ZBTB20: variants seen among roughly 807,000 people sequenced by gnomAD.
ZBTB20 encodes zinc finger and BTB domain containing 20.
ZBTB20 carries 9 observed loss-of-function variants against 56.9 expected under a neutral mutation model. That is an observed-to-expected ratio of 0.16 (90% CI 0.10 to 0.28). The LOEUF (loss-of-function observed/expected upper bound fraction) is 0.28, where lower values mean the gene tolerates loss of function less well. ZBTB20 is among the 10% of genes least tolerant of loss of function. ZBTB20 has a pLI of 1.00. For missense variants in ZBTB20, 655 were observed against 1,003.0 expected, an observed-to-expected ratio of 0.65 and a Z score of 4.69; for synonymous variants, 417 against 420.7, an observed-to-expected ratio of 0.99 and a Z score of 0.11.
intron 10 of ZBTB20, among the ~76,000 whole-genome samples, chr3:114,359,859 C>T (rs2081625381): frequency 6.6e-6 from 1 of 152,096 alleles, no homozygotes; most frequent in South Asian, 2.1e-4. Flanking sequence ...ATATGAAAAC[C>T]AGCATCTTCT....
At chr3:114,678,630 AAGAG>A (rs1161276637) in intron 6 of ZBTB20, among the ~76,000 whole-genome samples, 1 of 152,200 alleles carries the variant, frequency 6.6e-6, no homozygotes, top group Non-Finnish European at 1.5e-5. Context: ...TAATTTCAAA[AAGAG>A]AGACTTTCAA....
intron 6 of ZBTB20, among the ~76,000 whole-genome samples, chr3:114,633,776 T>C (rs964500948): frequency 1.3e-5 from 2 of 152,174 alleles, no homozygotes; most frequent in Non-Finnish European, 2.9e-5. Flanking sequence ...AAATGCACAA[T>C]ATTATTAAAA....
Position 114,463,004 on chromosome 3 carries a change from G to C in ZBTB20, c.-255+37348C>G, listed in dbSNP as rs918819312. 2.0e-5 allele frequency among the ~76,000 whole-genome samples: 3 copies of C among 152,172 alleles called. No homozygotes were observed. The East Asian group carries it at 5.8e-4, about 29-fold the overall frequency. Reference sequence around the variant, plus strand: ...AGGACAGTTGTGTAGCAAAGATTCTGTTTGGGTTGCTGTTTCCTCTGAGCC... The same window carrying C: ...AGGACAGTTGTGTAGCAAAGATTCTCTTTGGGTTGCTGTTTCCTCTGAGCC... On this transcript the variant is annotated intron_variant, in intron 7 of 11. Coordinates refer to ENST00000675478, the MANE Select transcript of ZBTB20 (RefSeq NM_001348800.3).
At chr3:114,426,978 A>G (rs1026831116) in intron 7 of ZBTB20, among the ~76,000 whole-genome samples, 1 of 152,228 alleles carries the variant, frequency 6.6e-6, no homozygotes, top group African/African-American at 2.4e-5. Context: ...TTACTTTAAT[A>G]TATATAAAGC....
chr3:114,622,180 T>C (rs1413955570), intron 6 of ZBTB20, among the ~76,000 whole-genome samples: 2 of 152,128 alleles, frequency 1.3e-5, no homozygotes, highest in Non-Finnish European at 2.9e-5. Context: ...ACAGTTTTCC[T>C]GGGAGTCTGG....
chr3:114,529,848 T>C (rs1267556570), intron 6 of ZBTB20, among the ~76,000 whole-genome samples: 1 of 152,248 alleles, frequency 6.6e-6, no homozygotes, highest in Admixed American at 6.5e-5. Context: ...AAATGCTGTA[T>C]GGCTTGCCTT....
intron 6 of ZBTB20, among the ~76,000 whole-genome samples, chr3:114,600,932 T>A (rs2056711446): frequency 6.6e-6 from 1 of 151,910 alleles, no homozygotes. Context: ...CTTGAGGTAC[T>A]GGGACTTACT....
At chr3:114,692,785 A>C (rs1242452068) in intron 6 of ZBTB20, among the ~76,000 whole-genome samples, 1 of 152,150 alleles carries the variant, frequency 6.6e-6, no homozygotes, top group East Asian at 1.9e-4. Context: ...GAAGGCCACA[A>C]TACCAATCTT....
At chr3:114,455,058 G>C (rs71321412) in intron 7 of ZBTB20, among the ~76,000 whole-genome samples, 3 of 142,672 alleles carry the variant, frequency 2.1e-5, no homozygotes, top group Non-Finnish European at 4.6e-5. Context: ...GAGAGAGGGG[G>C]GGGAGAGAGA....
chr3:115,060,320 A>G (rs900553847), intron 2 of ZBTB20, among the ~76,000 whole-genome samples: 5 of 152,218 alleles, frequency 3.3e-5, no homozygotes, highest in Non-Finnish European at 5.9e-5. Flanking sequence ...GAAGAATAAA[A>G]GAAACAATAT....
At chr3:114,402,803 C>T (rs577826582) in intron 7 of ZBTB20, among the ~76,000 whole-genome samples, 5 of 152,254 alleles carry the variant, frequency 3.3e-5, no homozygotes, top group Admixed American at 2.6e-4. Context: ...GAATATATTG[C>T]TGAATGGTTC....
chr3:114,851,032 C>A (rs971572920), intron 4 of ZBTB20, among the ~76,000 whole-genome samples: 1 of 152,182 alleles, frequency 6.6e-6, no homozygotes, highest in Non-Finnish European at 1.5e-5. Context: ...TTTTCATTAT[C>A]CTGTCTACCC....
At chr3:115,106,895 A>G (rs2083739706) in intron 1 of ZBTB20, among the ~76,000 whole-genome samples, 2 of 152,172 alleles carry the variant, frequency 1.3e-5, no homozygotes, top group Admixed American at 1.3e-4. Context: ...GAAGCTCAAA[A>G]AAGTTTTCCT....
intron 2 of ZBTB20, among the ~76,000 whole-genome samples, chr3:115,003,232 T>C (rs1468626250): frequency 6.6e-6 from 1 of 151,586 alleles, no homozygotes; most frequent in African/African-American, 2.4e-5. Flanking sequence ...GCACATAACA[T>C]CATGCATTTG....
chr3:114,611,873 G>A (rs1560034916), intron 6 of ZBTB20, among the ~76,000 whole-genome samples: 1 of 152,032 alleles, frequency 6.6e-6, no homozygotes, highest in Non-Finnish European at 1.5e-5. Context: ...GTCTCTGTAA[G>A]TGTTTCAGTT....
chr3:114,442,480 C>T (rs2090995775), intron 7 of ZBTB20, among the ~76,000 whole-genome samples: 1 of 152,104 alleles, frequency 6.6e-6, no homozygotes, highest in Admixed American at 6.6e-5. Context: ...ACACCAGTAA[C>T]AGCAAGTGCA....
chr3:114,528,462 A>G (rs959956501), intron 6 of ZBTB20, among the ~76,000 whole-genome samples: 1 of 152,202 alleles, frequency 6.6e-6, no homozygotes, highest in Non-Finnish European at 1.5e-5. Flanking sequence ...TTCCTAAAGA[A>G]GAAATATGGG....
At chr3:114,435,718 T>G (rs954244343) in intron 7 of ZBTB20, among the ~76,000 whole-genome samples, 2 of 152,198 alleles carry the variant, frequency 1.3e-5, no homozygotes, top group Non-Finnish European at 1.5e-5. Context: ...AAGTTTGGCT[T>G]GGTTACATAT....
At chr3:114,644,580 T>C (rs1578133661) in intron 6 of ZBTB20, among the ~76,000 whole-genome samples, 1 of 152,076 alleles carries the variant, frequency 6.6e-6, no homozygotes, top group African/African-American at 2.4e-5. Context: ...AGAATGGCTG[T>C]TGTTAAAAAA....
Sources: gnomAD v4.1 joint callset for allele counts (sites outside exome capture counted in the v4.1 genomes callset) on GRCh38, gnomAD v4.1.1 for gene constraint, MANE v1.5 for transcripts, NCBI Gene and HGNC (gene_info 2026-07-23, HGNC 2026-07-21) for gene names.